IPO8: variants seen among roughly 807,000 people sequenced by gnomAD.
IPO8 encodes importin-8.
IPO8 carries 65 observed loss-of-function variants against 141.2 expected under a neutral mutation model. The ratio of observed to expected loss-of-function variants is 0.46; its 90% CI spans 0.38 to 0.57. The LOEUF (loss-of-function observed/expected upper bound fraction) is 0.57. Ranked by LOEUF, IPO8 falls within the 20% of genes least tolerant of loss-of-function variation. The pLI is 0.00. For synonymous variants in IPO8, 411 were observed against 420.3 expected (o/e 0.98, Z 0.27); for missense variants, 980 against 1,246.8 (o/e 0.79, Z 3.22).
At chr12:30,637,508 C>A (rs533472189) in intron 21 of IPO8, among the ~76,000 whole-genome samples, 1 of 152,230 alleles carries the variant, frequency 6.6e-6, no homozygotes, top group Non-Finnish European at 1.5e-5. Flanking sequence ...TATTTGACAG[C>A]ATAAAAGTCC....
intron 21 of IPO8, among the ~76,000 whole-genome samples, chr12:30,637,518 C>T (rs2052519052): frequency 6.6e-6 from 1 of 152,102 alleles, no homozygotes; most frequent in Non-Finnish European, 1.5e-5. Flanking sequence ...CATAAAAGTC[C>T]TATACAATGG....
At chr12:30,667,359 C>T (rs1022050198) in intron 10 of IPO8, among the ~76,000 whole-genome samples, 5 of 152,176 alleles carry the variant, frequency 3.3e-5, no homozygotes, top group African/African-American at 9.7e-5. Flanking sequence ...TTCACACCCA[C>T]GCTATCTTAA....
chr12:30,693,938 A>T (rs111935077), intron 1 of IPO8, among the ~76,000 whole-genome samples: 8 of 152,254 alleles, frequency 5.3e-5, no homozygotes, highest in East Asian at 3.9e-4. Flanking sequence ...GAAAAAAAAT[A>T]GGATTGGGTC....
intron 23 of IPO8, among the ~76,000 whole-genome samples, chr12:30,633,578 C>T (rs775939906): frequency 8.5e-5 from 13 of 152,210 alleles, no homozygotes; most frequent in South Asian, 2.1e-4. Context: ...TTTCTCCCCC[C>T]GAATCATTTA....
rs763952663 is a variant in IPO8, at chr12:30,681,661, A to G, written c.480T>C (p.Tyr160=). Residue 160 remains tyrosine (Y), a splice_region_variant and synonymous_variant, in exon 4 of 25, where the codon TAT becomes TAC. Coordinates refer to ENST00000256079, the MANE Select transcript of IPO8 (RefSeq NM_006390.4). ...TCAGCCAATGGAAACCAACTTACTC[A>G]TATGTCTTCACCAGTTGATACAGGC... ...LLCLYQLVKT[Y]EYKKAEEREP... is the part of the protein sequence containing the mutation. 9 of 1,610,102 alleles carry G rather than the reference A, an allele frequency of 5.6e-6. No homozygotes were observed. Among genetic ancestry groups the G allele is most frequent in the East Asian group, 2.2e-5 (1 of 44,858 alleles).
intron 20 of IPO8, among the ~76,000 whole-genome samples, chr12:30,643,189 G>A (rs913353807): frequency 6.6e-6 from 1 of 152,102 alleles, no homozygotes; most frequent in African/African-American, 2.4e-5. Flanking sequence ...CTAACATCAT[G>A]AGAGACCACC....
intron 3 of IPO8, 132 bp downstream of exon 3, chr12:30,684,169 G>C: frequency 1.4e-6 from 1 of 693,422 alleles, no homozygotes; most frequent in Non-Finnish European, 2.4e-6. Flanking sequence ...AATATTCTTT[G>C]AGTGTCCCTC....
chr12:30,673,538 G>A (rs2053079481), intron 8 of IPO8, among the ~76,000 whole-genome samples: 1 of 152,172 alleles, frequency 6.6e-6, no homozygotes, highest in African/African-American at 2.4e-5. Context: ...CCATAGAAAT[G>A]TTTAAGTTCT....
intron 7 of IPO8, 23 bp from the exon 8 acceptor site, chr12:30,674,097 T>C (rs1161621534): frequency 2.9e-6 from 4 of 1,396,998 alleles, no homozygotes; most frequent in Non-Finnish European, 4.0e-6. Context: ...AGAGAAAATG[T>C]ACAAATACCG....
At chr12:30,671,674 C>CA (rs71052423) in intron 8 of IPO8, among the ~76,000 whole-genome samples, 2,460 of 56,292 alleles carry the variant, frequency 0.044, 139 homozygotes, top group African/African-American at 0.073. Flanking sequence ...GACTCTGCCT[C>CA]AAAAAAAAAA....
chr12:30,638,072 T>C (rs769744035), intron 21 of IPO8, among the ~76,000 whole-genome samples: 13 of 152,046 alleles, frequency 8.6e-5, no homozygotes, highest in Non-Finnish European at 1.5e-4. Flanking sequence ...AACCCCTAAA[T>C]ACATGCCACA....
At chr12:30,686,838 G>C (rs2053247267) in intron 2 of IPO8, among the ~76,000 whole-genome samples, 1 of 151,832 alleles carries the variant, frequency 6.6e-6, no homozygotes, top group Non-Finnish European at 1.5e-5. Context: ...TAAATGAAAA[G>C]TTATAATTTA....
At chr12:30,663,957 T>A (rs1165450026) in intron 13 of IPO8, among the ~76,000 whole-genome samples, 1 of 152,236 alleles carries the variant, frequency 6.6e-6, no homozygotes, top group Non-Finnish European at 1.5e-5. Flanking sequence ...ATAATTAATT[T>A]GTTATATGTA....
At chr12:30,691,099 T>C (rs2053287304) in intron 1 of IPO8, among the ~76,000 whole-genome samples, 2 of 152,238 alleles carry the variant, frequency 1.3e-5, no homozygotes, top group African/African-American at 2.4e-5. Flanking sequence ...ATCTTTTATT[T>C]GACCTATACA....
chr12:30,639,837 A>T, intron 20 of IPO8, 102 bp from the exon 21 acceptor site: 1 of 765,568 alleles, frequency 1.3e-6, no homozygotes, highest in Non-Finnish European at 2.2e-6. Context: ...GACAGTCTTA[A>T]TGGCAATGAG....
At chr12:30,687,796 TAACAAATAACCTCTA>T (rs1416708925) in intron 2 of IPO8, among the ~76,000 whole-genome samples, 2 of 152,156 alleles carry the variant, frequency 1.3e-5, no homozygotes, top group African/African-American at 4.8e-5. Context: ...ACGTCAATCT[TAACAAATAACCTCTA>T]AACAAATAAC....
At position 30,658,911 on chromosome 12, in the gene IPO8, C is replaced by T. The variant is rs557556464; in HGVS notation, c.1882-2161G>A. 1.0e-3 allele frequency among the ~76,000 whole-genome samples: 132 copies of T among 127,790 alleles called. 1 individual carries two copies. The highest frequency in any genetic ancestry group is 1.8e-3 in the Non-Finnish European group (111 of 63,208). 83.8% of individuals were successfully genotyped at this position (127,790 alleles called of 152,430 possible). ...TTTTTTTTTTTTGGAGACAGAGTCTCGCTCTGTCCCCCAGGCTGGAGTGCA... is the reference window on the plus strand; with the variant it reads ...TTTTTTTTTTTTGGAGACAGAGTCTTGCTCTGTCCCCCAGGCTGGAGTGCA... On this transcript the variant is annotated intron_variant, in intron 16 of 24. Transcript: ENST00000256079.
intron 10 of IPO8, among the ~76,000 whole-genome samples, chr12:30,668,576 G>A (rs1251943882): frequency 6.6e-6 from 1 of 152,170 alleles, no homozygotes; most frequent in Non-Finnish European, 1.5e-5. Flanking sequence ...TGGGAGATAG[G>A]TATGCAAATT....
chr12:30,685,125 A>C (rs2053226800), intron 2 of IPO8, among the ~76,000 whole-genome samples: 2 of 151,844 alleles, frequency 1.3e-5, no homozygotes, highest in Admixed American at 1.3e-4. Context: ...TTAAGAAAGA[A>C]TGTGAAGCTT....
Sources: allele counts gnomAD v4.1 joint callset (sites outside exome capture counted in the v4.1 genomes callset), GRCh38; gene constraint gnomAD v4.1.1; transcripts MANE v1.5; gene names NCBI Gene and HGNC (gene_info 2026-07-23, HGNC 2026-07-21).